The following GRIK2 variants were observed in gnomAD, a reference collection of about 807,000 sequenced individuals.
GRIK2 encodes glutamate receptor ionotropic, kainate 2.
A neutral mutation model predicts 100.3 loss-of-function variants in GRIK2; 32 were observed. The ratio of observed to expected loss-of-function variants is 0.32; its 90% CI spans 0.24 to 0.43. GRIK2 has a LOEUF of 0.43. Ranked by LOEUF, GRIK2 falls within the 20% of genes least tolerant of loss-of-function variation. The pLI, the probability that GRIK2 is intolerant of heterozygous loss-of-function variation, is 1.00. For synonymous variants in GRIK2, 417 were observed against 389.4 expected (o/e 1.07, Z -0.83); for missense variants, 843 against 1,114.9 (o/e 0.76, Z 3.47).
intron 11 of GRIK2, among the ~76,000 whole-genome samples, chr6:101,885,897 A>T (rs971324355): frequency 1.3e-5 from 2 of 152,024 alleles, no homozygotes; most frequent in African/African-American, 2.4e-5. Context: ...ACAGTTGATG[A>T]TTTATTATTG....
intron 7 of GRIK2, among the ~76,000 whole-genome samples, chr6:101,787,300 T>A (rs1426274148): frequency 6.6e-6 from 1 of 151,968 alleles, no homozygotes; most frequent in East Asian, 1.9e-4. Flanking sequence ...AGTCTCTATT[T>A]CATTTATTTC....
chr6:102,036,355 A>C (rs1450346995), intron 15 of GRIK2, among the ~76,000 whole-genome samples: 2 of 151,290 alleles, frequency 1.3e-5, no homozygotes, highest in East Asian at 1.9e-4. Context: ...AGAACCTTTG[A>C]ATATGTTACT....
intron 14 of GRIK2, among the ~76,000 whole-genome samples, chr6:102,020,143 A>C (rs1287411950): frequency 1.3e-5 from 2 of 151,884 alleles, no homozygotes; most frequent in African/African-American, 4.8e-5. Context: ...CCTGTCTTTG[A>C]TATGATTGCT....
chr6:101,581,704 G>A (rs867997864), intron 2 of GRIK2, among the ~76,000 whole-genome samples: 37 of 152,184 alleles, frequency 2.4e-4, no homozygotes, highest in Middle Eastern at 6.8e-3. Context: ...ATCTGGTTTA[G>A]GAGATGAAAC....
chr6:101,904,159 T>C (rs1193162057), intron 12 of GRIK2, among the ~76,000 whole-genome samples: 1 of 45,486 alleles, frequency 2.2e-5, no homozygotes, highest in African/African-American at 8.3e-5. Flanking sequence ...CTTTAACATA[T>C]AAGTTCACTT....
intron 16 of GRIK2, among the ~76,000 whole-genome samples, chr6:102,055,954 C>G (rs2114506401): frequency 6.6e-6 from 1 of 151,762 alleles, no homozygotes. Flanking sequence ...AGAAAAAATA[C>G]TCTGCAGATT....
At chr6:101,783,138 G>A (rs577918725) in intron 7 of GRIK2, among the ~76,000 whole-genome samples, 2 of 152,048 alleles carry the variant, frequency 1.3e-5, no homozygotes, top group South Asian at 2.1e-4. Flanking sequence ...GATTACAGGC[G>A]TGAGGCAGTG....
chr6:101,395,054 A>G (rs1415896504), intron 1 of GRIK2, among the ~76,000 whole-genome samples: 2 of 152,260 alleles, frequency 1.3e-5, no homozygotes, highest in East Asian at 3.8e-4. Flanking sequence ...GTCATTAATC[A>G]TCAATGCAGC....
At chr6:101,546,850 A>G (rs1399774579) in intron 2 of GRIK2, among the ~76,000 whole-genome samples, 3 of 25,354 alleles carry the variant, frequency 1.2e-4, no homozygotes, top group African/African-American at 4.1e-4. Flanking sequence ...TTTTTTTTGG[A>G]GACGGAGTCT....
intron 14 of GRIK2, among the ~76,000 whole-genome samples, chr6:101,933,088 A>G (rs1790389978): frequency 6.6e-6 from 1 of 152,004 alleles, no homozygotes; most frequent in Non-Finnish European, 1.5e-5. Context: ...GAAAATCTAC[A>G]AGGTATTGCC....
At chr6:102,014,277 G>A (rs765432867) in intron 14 of GRIK2, among the ~76,000 whole-genome samples, 20 of 115,446 alleles carry the variant, frequency 1.7e-4, no homozygotes, top group Non-Finnish European at 3.4e-4. Context: ...TTCCTGTGGG[G>A]TCAGTGGTAA....
intron 2 of GRIK2, among the ~76,000 whole-genome samples, chr6:101,572,830 A>ATTTG (rs1562234909): frequency 2.4e-5 from 2 of 82,196 alleles, no homozygotes; most frequent in East Asian, 6.2e-4. Context: ...TTATTTATTT[A>ATTTG]TTTATTTATT....
At chr6:101,807,637 T>A (rs1212652614) in intron 9 of GRIK2, among the ~76,000 whole-genome samples, 1 of 151,764 alleles carries the variant, frequency 6.6e-6, no homozygotes, top group East Asian at 2.0e-4. Context: ...CTGGAGTTGG[T>A]CTAACAAAGC....
At chr6:101,836,702 G>T (rs1401149614) in intron 10 of GRIK2, among the ~76,000 whole-genome samples, 1 of 110,994 alleles carries the variant, frequency 9.0e-6, no homozygotes, top group African/African-American at 3.5e-5. Flanking sequence ...GTCTCACTCT[G>T]TCACCCAGGC....
At chr6:101,407,567 A>G (rs1204204085) in intron 2 of GRIK2, among the ~76,000 whole-genome samples, 1 of 151,934 alleles carries the variant, frequency 6.6e-6, no homozygotes, top group African/African-American at 2.4e-5. Flanking sequence ...CTTTCCTAGT[A>G]CATTATCTCA....
chr6:101,436,367 GA>G (rs1769712128), intron 2 of GRIK2, among the ~76,000 whole-genome samples: 1 of 126,714 alleles, frequency 7.9e-6, no homozygotes, highest in Non-Finnish European at 1.8e-5. Flanking sequence ...AAAAGATAAT[GA>G]TTTTTTTTTT....
At chr6:101,602,956 A>G (rs1383266144) in intron 2 of GRIK2, among the ~76,000 whole-genome samples, 1 of 151,690 alleles carries the variant, frequency 6.6e-6, no homozygotes, top group Admixed American at 6.6e-5. Flanking sequence ...TATCTTCTCT[A>G]TATCTTCTAC....
At chr6:101,737,893 A>T (rs1260317551) in intron 7 of GRIK2, among the ~76,000 whole-genome samples, 1 of 152,158 alleles carries the variant, frequency 6.6e-6, no homozygotes, top group Non-Finnish European at 1.5e-5. Context: ...GTCAGAATTG[A>T]TTAAAATCAG....
intron 14 of GRIK2, among the ~76,000 whole-genome samples, chr6:101,975,801 A>G (rs55664447): frequency 0.012 from 1,181 of 101,052 alleles, 12 homozygotes; most frequent in African/African-American, 0.042. Flanking sequence ...CTGTCTATCT[A>G]TCTATCTGTC....
Sources: gnomAD v4.1 joint callset for allele counts (sites outside exome capture counted in the v4.1 genomes callset) on GRCh38, gnomAD v4.1.1 for gene constraint, MANE v1.5 for transcripts, NCBI Gene and HGNC (gene_info 2026-07-23, HGNC 2026-07-21) for gene names.